CACNA1B: variants seen among roughly 807,000 people sequenced by gnomAD.
The protein encoded by CACNA1B is calcium voltage-gated channel subunit alpha1 B.
CACNA1B carries 70 observed loss-of-function variants against 247.2 expected under a neutral mutation model. That is an observed-to-expected ratio of 0.28 (90% confidence interval 0.23 to 0.35). CACNA1B has a LOEUF of 0.35. CACNA1B is among the 10% of genes least tolerant of loss of function. The pLI is 1.00. For synonymous variants in CACNA1B, 1,231 were observed against 1,294.4 expected (o/e 0.95, Z 1.05); for missense variants, 2,367 against 3,197.4 (o/e 0.74, Z 6.26).
intron 12 of CACNA1B, among the ~76,000 whole-genome samples, chr9:137,978,669 T>G (rs1958258148): frequency 6.6e-6 from 1 of 151,908 alleles, no homozygotes; most frequent in African/African-American, 2.4e-5. Context: ...ACTTTTTCTC[T>G]CATGAGCATT....
Position 138,072,381 on chromosome 9 carries a change from C to T in CACNA1B, c.4675-1107C>T, listed in dbSNP as rs117137684. Among the ~76,000 whole-genome samples, 2,612 of 152,360 alleles carry T rather than the reference C, an allele frequency of 0.017. 36 individuals carry two copies. The highest frequency in any genetic ancestry group is 0.031 in the South Asian group (150 of 4,826). ...CCACTGACACCTCATTCCCACCTAA[C>T]GGTAGCCCTGGAGAGTCGGGATGCT... On this transcript the variant is annotated intron_variant, in intron 32 of 46. Transcript: ENST00000371372. The surrounding 1 kb of genome is among the most constrained non-coding windows in gnomAD (Gnocchi z 4.5).
rs1209699496 is a variant in CACNA1B at position 138,010,136 on chromosome 9, C to T, written c.2160+59C>T. ...CATGTCACTTGAATGTGGCCGCAGC[C>T]AGGAAGAGTCTGGGTCCTGGGTTAG... On this transcript the variant is annotated intron_variant, in intron 17 of 46. Transcript: ENST00000371372. The surrounding 1 kb of genome is among the most constrained non-coding windows in gnomAD (Gnocchi z 5.3). The T allele has an allele frequency of 5.7e-6, 8 of 1,395,484 alleles. No homozygotes were observed. The highest frequency in any genetic ancestry group is 1.4e-5 in the African/African-American group (1 of 70,434). 86.4% of individuals were successfully genotyped at this position (1,395,484 alleles called of 1,614,324 possible).
rs147027815 is a variant in CACNA1B, at chr9:137,911,797, C to G, written c.531-1383C>G. ...GCTATGTGTTTGGAGCGGGTGATCACAAAGCCTTCGCCAAGAACCCTGGAT... is the reference window on the plus strand; with the variant it reads ...GCTATGTGTTTGGAGCGGGTGATCAGAAAGCCTTCGCCAAGAACCCTGGAT... On this transcript the variant is annotated intron_variant, in intron 3 of 46. Coordinates refer to ENST00000371372, the MANE Select transcript of CACNA1B (RefSeq NM_000718.4). 1.3e-3 allele frequency among the ~76,000 whole-genome samples: 203 copies of G among 152,316 alleles called. 1 individual carries two copies. Among genetic ancestry groups the G allele is most frequent in the African/African-American group, 4.7e-3 (194 of 41,558 alleles).
chr9:137,981,864 T>C (rs1244770573), intron 12 of CACNA1B, among the ~76,000 whole-genome samples: 1 of 152,234 alleles, frequency 6.6e-6, no homozygotes, highest in Non-Finnish European at 1.5e-5. Flanking sequence ...TCTAGTTTCC[T>C]ATGAAATTCT....
chr9:137,891,204 A>C lies in CACNA1B; in HGVS notation c.530+8321A>C, dbSNP rs1957093964. ...GGCTCTAAACTTGCTGTCAGTATTT[A>C]AGAAGGAACTTTCACGCAAAAACCT... On this transcript the variant is annotated intron_variant, in intron 3 of 46. Coordinates refer to ENST00000371372, the MANE Select transcript of CACNA1B (RefSeq NM_000718.4). This position sits in a 1 kb window ranked among gnomAD's most constrained non-coding sequence, Gnocchi z 4.3. 6.6e-6 allele frequency: 1 copy of C among 152,226 alleles called. No individual in the cohort carries two copies. The highest frequency in any genetic ancestry group is 2.4e-5 in the African/African-American group (1 of 41,446). The allele number at this position is 152,226 out of a possible 1,614,324, so 9.4% of individuals were successfully genotyped here. A position where few individuals can be genotyped will look rare whatever the true frequency, so the allele number is the denominator to read the frequency against.
rs1589075558 is a variant in CACNA1B at position 138,023,847 on chromosome 9, G to A, written c.3068+36G>A. The stretch of plus-strand genomic sequence containing the variant: ...GGCTGGGCGGGGTCAGGGAGGGAAG[G>A]GTTGGCCGGGGCGGCGCGGGCCCCA... On this transcript the variant is annotated intron_variant, in intron 19 of 46. Transcript: ENST00000371372. The A allele has an allele frequency of 5.5e-6, 6 of 1,084,096 alleles. No individual in the cohort carries two copies. In the East Asian group the frequency reaches 1.6e-4, roughly 28 times the overall value. 67.2% of individuals were successfully genotyped at this position (1,084,096 alleles called of 1,614,324 possible).
Position 138,064,241 on chromosome 9 carries a change from A to C in CACNA1B, c.4668+4504A>C, listed in dbSNP as rs2133517655. ...GAACCAGATCTCCTTGGGGAGGGGCAGAGAAATGGTTGCTGTCTGGATCCA... is the reference window on the plus strand; with the variant it reads ...GAACCAGATCTCCTTGGGGAGGGGCCGAGAAATGGTTGCTGTCTGGATCCA... On this transcript the variant is annotated intron_variant, in intron 31 of 46. Coordinates refer to ENST00000371372, the MANE Select transcript of CACNA1B (RefSeq NM_000718.4). Among the ~76,000 whole-genome samples the C allele has an allele frequency of 1.3e-5, 2 of 152,312 alleles. 1 individual carries two copies. The highest frequency in any genetic ancestry group is 4.1e-4 in the South Asian group (2 of 4,820).
chr9:137,909,664 G>A (rs1238626195), intron 3 of CACNA1B, among the ~76,000 whole-genome samples: 2 of 152,188 alleles, frequency 1.3e-5, no homozygotes, highest in South Asian at 2.1e-4. Context: ...TGCTATGAGC[G>A]TTGCTGTCTA....
chr9:137,986,533 G>A lies in CACNA1B; in HGVS notation c.1890G>A (p.Leu630=), dbSNP rs1271283992. The stretch of plus-strand genomic sequence containing the variant: ...TCTTCGCCCTGCTGGGGATGCAGCT[G>A]TTTGGGGGACAGTAAGTGGGCCCGG... ...IVVFALLGMQ[L]FGGQFNFQDE... is the part of the protein sequence containing the mutation. Residue 630 remains leucine (L), a synonymous_variant, in exon 14 of 47, where the codon CTG becomes CTA. Coordinates refer to ENST00000371372, the MANE Select transcript of CACNA1B (RefSeq NM_000718.4). The surrounding 1 kb of genome is among the most constrained non-coding windows in gnomAD (Gnocchi z 6.0). 3 of 1,613,854 alleles carry A rather than the reference G, an allele frequency of 1.9e-6. No individual in the cohort carries two copies. The highest frequency in any genetic ancestry group is 4.5e-5 in the East Asian group (2 of 44,854).
At chr9:138,040,252 T>G (rs1959101019) in intron 20 of CACNA1B, among the ~76,000 whole-genome samples, 1 of 152,076 alleles carries the variant, frequency 6.6e-6, no homozygotes, top group Non-Finnish European at 1.5e-5. Context: ...TTTACTTACT[T>G]TATGTATCTC....
In CACNA1B at chr9:137,881,395, G is replaced by C. The variant is rs189216861; in HGVS notation, c.391-1349G>C. Among the ~76,000 whole-genome samples the C allele has an allele frequency of 3.2e-4, 49 of 152,276 alleles. No homozygotes were observed. In the East Asian group the frequency reaches 8.1e-3, roughly 25 times the overall value. ...TGGGAGTCAGATGCGGAGAGCCCTCGAGAGCCTGGCTTCCTGGGGAGGAAG... is the reference window on the plus strand; with the variant it reads ...TGGGAGTCAGATGCGGAGAGCCCTCCAGAGCCTGGCTTCCTGGGGAGGAAG... On this transcript the variant is annotated intron_variant, in intron 2 of 46. Transcript: ENST00000371372. This position sits in a 1 kb window ranked among gnomAD's most constrained non-coding sequence, Gnocchi z 4.3.
intron 18 of CACNA1B, 42 bp downstream of exon 18, chr9:138,013,277 G>C: frequency 6.9e-7 from 1 of 1,449,134 alleles, no homozygotes; most frequent in Admixed American, 2.0e-5. Context: ...CAGTGGGGCT[G>C]CTGCAGGGTC....
At chr9:138,000,289 A>C (rs62591434) in intron 15 of CACNA1B, among the ~76,000 whole-genome samples, 1 of 151,926 alleles carries the variant, frequency 6.6e-6, no homozygotes, top group Non-Finnish European at 1.5e-5. Flanking sequence ...TAGTAGAGAC[A>C]GGGTTTCACC....
intron 15 of CACNA1B, among the ~76,000 whole-genome samples, chr9:137,996,858 T>C (rs2133396162): frequency 6.6e-6 from 1 of 151,560 alleles, no homozygotes; most frequent in Middle Eastern, 3.4e-3. Context: ...ACAAGGACAC[T>C]ATCAGAAAAG....
chr9:137,923,612 T>G (rs967926325), intron 6 of CACNA1B, among the ~76,000 whole-genome samples: 3 of 152,052 alleles, frequency 2.0e-5, no homozygotes, highest in African/African-American at 7.2e-5. Context: ...ATGAATAGAG[T>G]TGCTGTACAC....
intron 5 of CACNA1B, among the ~76,000 whole-genome samples, chr9:137,916,822 G>A (rs1389506240): frequency 7.1e-6 from 1 of 140,746 alleles, no homozygotes; most frequent in Non-Finnish European, 1.6e-5. Context: ...TCAGCGTGGT[G>A]GTTTGGCTGT....
intron 6 of CACNA1B, among the ~76,000 whole-genome samples, chr9:137,936,401 A>G (rs1957669450): frequency 6.6e-6 from 1 of 152,190 alleles, no homozygotes; most frequent in African/African-American, 2.4e-5. Flanking sequence ...TCTGATGGGT[A>G]GATTGCAAAA....
chr9:138,062,708 A>G (rs531964890), intron 31 of CACNA1B, among the ~76,000 whole-genome samples: 16 of 152,220 alleles, frequency 1.1e-4, no homozygotes, highest in Non-Finnish European at 2.2e-4. Context: ...AGGCTTTCCC[A>G]GGACTTTACC....
intron 10 of CACNA1B, among the ~76,000 whole-genome samples, chr9:137,963,032 T>TC (rs1190916196): frequency 6.6e-6 from 1 of 152,206 alleles, no homozygotes; most frequent in African/African-American, 2.4e-5. Flanking sequence ...CTTTGAAGTC[T>TC]CCAAGAACTT....
Sources: gnomAD v4.1 joint callset for allele counts (sites outside exome capture counted in the v4.1 genomes callset) on GRCh38, gnomAD v4.1.1 for gene constraint, Gnocchi (gnomAD v3.1) non-coding constraint, MANE v1.5 for transcripts, NCBI Gene and HGNC (gene_info 2026-07-23, HGNC 2026-07-21) for gene names.